The following ATP2A2 variants were observed in gnomAD, a reference collection of about 807,000 sequenced individuals.
The protein encoded by ATP2A2 is ATPase sarcoplasmic/endoplasmic reticulum Ca2+ transporting 2, also known as sarcoplasmic/endoplasmic reticulum calcium ATPase 2.
A neutral mutation model predicts 109.3 loss-of-function variants in ATP2A2; 14 were observed. The ratio of observed to expected loss-of-function variants is 0.13; its 90% CI spans 0.08 to 0.20. ATP2A2 has a LOEUF of 0.20. Ranked by LOEUF, ATP2A2 falls within the 10% of genes least tolerant of loss-of-function variation. The pLI is 1.00. For synonymous variants in ATP2A2, 506 were observed against 490.9 expected, an observed-to-expected ratio of 1.03 and a Z score of -0.41; for missense variants, 657 against 1,321.6, an observed-to-expected ratio of 0.50 and a Z score of 7.80.
Position 110,348,085 on chromosome 12 carries a change from C to G in ATP2A2, c.*1615C>G. On this transcript the variant is annotated 3_prime_UTR_variant, in exon 20 of 20. Transcript: ENST00000539276. ...GGGGAGAGAGGCATTTCAGCCAGAC[C>G]AACAGGCTGAAGGAGCTGTGCAGAC... The G allele has an allele frequency of 3.0e-6, 3 of 986,368 alleles. No homozygotes were observed. The highest frequency in any genetic ancestry group is 3.6e-6 in the Non-Finnish European group (3 of 830,622). The allele number at this position is 986,368 out of a possible 1,614,324, so 61.1% of individuals were successfully genotyped here.
rs1427851580 is a variant in ATP2A2 at position 110,351,051 on chromosome 12, G to A, written c.*4581G>A. ...TTCTGTGCTGGTAACAATGAGCGTC[G>A]CACAGACATGGTTTCAGGTAAATAA... On this transcript the variant is annotated 3_prime_UTR_variant, in exon 20 of 20. Coordinates refer to ENST00000539276, the MANE Select transcript of ATP2A2 (RefSeq NM_170665.4). 1 of 152,468 alleles carries A rather than the reference G, an allele frequency of 6.6e-6. No homozygotes were observed. The highest frequency in any genetic ancestry group is 1.9e-4 in the East Asian group (1 of 5,196). The allele number at this position is 152,468 out of a possible 1,614,324, so 9.4% of individuals were successfully genotyped here.
In ATP2A2 at chr12:110,349,238, G is replaced by A. The variant is rs1057295257; in HGVS notation, c.*2768G>A. 7 of 985,432 alleles carry A rather than the reference G, an allele frequency of 7.1e-6. No individual in the cohort carries two copies. Among genetic ancestry groups the A allele is most frequent in the East Asian group, 1.1e-4 (1 of 8,826 alleles). The allele number at this position is 985,432 out of a possible 1,614,324, so 61.0% of individuals were successfully genotyped here. A position where few individuals can be genotyped will look rare whatever the true frequency, so the allele number is the denominator to read the frequency against. ...ACCCATAAAGACCAGGTCCAGCACC[G>A]TGGTCTTGGCACATCCCTGGCCTCA... is the stretch of plus-strand genomic sequence containing the variant. On this transcript the variant is annotated 3_prime_UTR_variant, in exon 20 of 20. Transcript: ENST00000539276.
chr12:110,287,002 C>T (rs995616320), intron 3 of ATP2A2, among the ~76,000 whole-genome samples: 2 of 152,104 alleles, frequency 1.3e-5, no homozygotes, highest in African/African-American at 4.8e-5. Context: ...CCTGTAATCC[C>T]AGCACTTTGA....
Position 110,347,257 on chromosome 12 carries a change from T to C in ATP2A2, c.*787T>C. The C allele has an allele frequency of 8.1e-7, 1 of 1,230,338 alleles. No individual in the cohort carries two copies. Among genetic ancestry groups the C allele is most frequent in the South Asian group, 1.4e-5 (1 of 70,668 alleles). 76.2% of individuals were successfully genotyped at this position (1,230,338 alleles called of 1,614,324 possible). ...TGTAACAGACATTGTTTTGCCAACA[T>C]TGCCTATTTCAGTGGCACGTCATCT... On this transcript the variant is annotated 3_prime_UTR_variant, in exon 20 of 20. Coordinates refer to ENST00000539276, the MANE Select transcript of ATP2A2 (RefSeq NM_170665.4).
intron 5 of ATP2A2, among the ~76,000 whole-genome samples, chr12:110,299,195 A>G (rs1264319068): frequency 6.6e-6 from 1 of 151,616 alleles, no homozygotes; most frequent in African/African-American, 2.4e-5. Flanking sequence ...TGGTCTCTCA[A>G]ACTCCTGGGC....
chr12:110,341,108 T>A (rs1879312540), intron 14 of ATP2A2, 114 bp downstream of exon 14: 10 of 1,157,904 alleles, frequency 8.6e-6, no homozygotes, highest in Non-Finnish European at 1.2e-5. Context: ...TTTGTCATGA[T>A]TTGGGTCTTT....
intron 5 of ATP2A2, among the ~76,000 whole-genome samples, chr12:110,300,140 T>G (rs899458615): frequency 5.5e-5 from 1 of 18,322 alleles, no homozygotes; most frequent in Non-Finnish European, 1.1e-4. Flanking sequence ...TCCCCTCCCC[T>G]CCCCTCCTTC....
At chr12:110,306,436 C>T (rs766760926) in intron 5 of ATP2A2, among the ~76,000 whole-genome samples, 1 of 152,208 alleles carries the variant, frequency 6.6e-6, no homozygotes, top group Non-Finnish European at 1.5e-5. Flanking sequence ...TGGGCTTCTG[C>T]TGATCCTGTC....
chr12:110,308,545 A>G (rs1477200373), intron 5 of ATP2A2, among the ~76,000 whole-genome samples: 1 of 152,232 alleles, frequency 6.6e-6, no homozygotes, highest in East Asian at 1.9e-4. Flanking sequence ...TGCAACTATT[A>G]TATGGAACAT....
intron 18 of ATP2A2, 82 bp from the exon 19 acceptor site, chr12:110,345,919 T>C (rs1300962377): frequency 7.4e-7 from 1 of 1,352,560 alleles, no homozygotes. Context: ...CTTACTGAAG[T>C]GTAGTCCAAC....
At chr12:110,301,776 A>G (rs933238189) in intron 5 of ATP2A2, among the ~76,000 whole-genome samples, 5 of 152,246 alleles carry the variant, frequency 3.3e-5, no homozygotes, top group Non-Finnish European at 7.3e-5. Context: ...CATTGTGTGT[A>G]TGTACCTCCT....
chr12:110,343,847 T>C (rs547490345), intron 16 of ATP2A2, among the ~76,000 whole-genome samples: 2 of 152,312 alleles, frequency 1.3e-5, no homozygotes, highest in East Asian at 3.9e-4. Flanking sequence ...CTTTTATATA[T>C]AAATCATCTC....
Position 110,348,462 on chromosome 12 carries a change from A to T in ATP2A2, c.*1992A>T. The T allele has an allele frequency of 7.1e-6, 7 of 985,464 alleles. No homozygotes were observed. Among genetic ancestry groups the T allele is most frequent in the Non-Finnish European group, 8.4e-6 (7 of 830,004 alleles). The allele number at this position is 985,464 out of a possible 1,614,324, so 61.0% of individuals were successfully genotyped here. A position where few individuals can be genotyped will look rare whatever the true frequency, so the allele number is the denominator to read the frequency against. ...GGGATGGCCAGTAGATGTAATGCAG[A>T]TGGTTGGAGTTTGGGGAGGGTTAGG... On this transcript the variant is annotated 3_prime_UTR_variant, in exon 20 of 20. Coordinates refer to ENST00000539276, the MANE Select transcript of ATP2A2 (RefSeq NM_170665.4).
intron 5 of ATP2A2, among the ~76,000 whole-genome samples, chr12:110,311,827 C>T (rs1195935979): frequency 4.6e-5 from 7 of 151,380 alleles, no homozygotes; most frequent in Non-Finnish European, 1.0e-4. Flanking sequence ...CACTTGAGCC[C>T]AGGAGTTTGA....
At chr12:110,334,754 A>AT (rs370191041) in intron 11 of ATP2A2, among the ~76,000 whole-genome samples, 5 of 151,570 alleles carry the variant, frequency 3.3e-5, no homozygotes, top group African/African-American at 1.2e-4. Context: ...CGCCTGGCTA[A>AT]TTTTTTGTAT....
chr12:110,350,472 T>C lies in ATP2A2; in HGVS notation c.*4002T>C. ...ATGTGGAGGAAATGTGTATTACCAA[T>C]GGGGTTGTTAGCTTTTAAATCAAAA... On this transcript the variant is annotated 3_prime_UTR_variant, in exon 20 of 20. Coordinates refer to ENST00000539276, the MANE Select transcript of ATP2A2 (RefSeq NM_170665.4). 9.4e-7 allele frequency: 1 copy of C among 1,060,852 alleles called. No homozygotes were observed. The highest frequency in any genetic ancestry group is 2.5e-5 in the East Asian group (1 of 39,578). 65.7% of individuals were successfully genotyped at this position (1,060,852 alleles called of 1,614,324 possible).
chr12:110,293,264 C>G (rs1012628998), intron 4 of ATP2A2, among the ~76,000 whole-genome samples: 2 of 150,844 alleles, frequency 1.3e-5, no homozygotes, highest in Non-Finnish European at 2.9e-5. Flanking sequence ...TTAGTAGAGA[C>G]GGGGTTTCAC....
Position 110,327,443 on chromosome 12 carries a change from G to C in ATP2A2, c.631-110G>C. 1 of 977,310 alleles carries C rather than the reference G, an allele frequency of 1.0e-6. No individual in the cohort carries two copies. Among genetic ancestry groups the C allele is most frequent in the Non-Finnish European group, 1.7e-6 (1 of 601,298 alleles). The allele number at this position is 977,310 out of a possible 1,614,324, so 60.5% of individuals were successfully genotyped here. On this transcript the variant is annotated intron_variant, in intron 7 of 19. Coordinates refer to ENST00000539276, the MANE Select transcript of ATP2A2 (RefSeq NM_170665.4). This position sits in a 1 kb window ranked among gnomAD's most constrained non-coding sequence, Gnocchi z 4.4. Reference sequence around the variant, plus strand: ...GTTGCTTGAACAGTAGCCAGTGGAAGACCTAGTAGAATGTGTAGAGAATCT... The same window carrying C: ...GTTGCTTGAACAGTAGCCAGTGGAACACCTAGTAGAATGTGTAGAGAATCT...
At position 110,349,277 on chromosome 12, in the gene ATP2A2, CAGTG is replaced by C. The variant is rs1037706346; in HGVS notation, c.*2810_*2813del. On this transcript the variant is annotated 3_prime_UTR_variant, in exon 20 of 20. Transcript: ENST00000539276. The stretch of plus-strand genomic sequence containing the variant: ...TCCCTGGCCTCAGGCCCTCACCTAA[CAGTG>C]AGGCAGCAGCTGCCCAGCCCCGCAA... The C allele has an allele frequency of 9.1e-6, 9 of 985,406 alleles. No individual in the cohort carries two copies. Among genetic ancestry groups the C allele is most frequent in the African/African-American group, 8.7e-5 (5 of 57,258 alleles). The allele number at this position is 985,406 out of a possible 1,614,324, so 61.0% of individuals were successfully genotyped here. A position where few individuals can be genotyped will look rare whatever the true frequency, so the allele number is the denominator to read the frequency against.
Sources: allele counts gnomAD v4.1 joint callset (sites outside exome capture counted in the v4.1 genomes callset), GRCh38; gene constraint gnomAD v4.1.1; non-coding constraint Gnocchi (gnomAD v3.1); transcripts MANE v1.5; gene names NCBI Gene and HGNC (gene_info 2026-07-23, HGNC 2026-07-21).